AFAP1: variants seen among roughly 807,000 people sequenced by gnomAD.
AFAP1 encodes the protein actin filament associated protein 1, also known as actin filament-associated protein 1.
AFAP1 carries 75 observed loss-of-function variants against 93.9 expected under a neutral mutation model. The ratio of observed to expected loss-of-function variants is 0.80; its 90% CI spans 0.66 to 0.97. AFAP1 has a LOEUF of 0.97. Ranked by LOEUF, AFAP1 falls within the 50% of genes least tolerant of loss-of-function variation. The pLI, the probability that AFAP1 is intolerant of heterozygous loss-of-function variation, is 0.00. For missense variants in AFAP1, 1,201 were observed against 1,050.8 expected (o/e 1.14, Z -1.98); for synonymous variants, 517 against 430.7 (o/e 1.20, Z -2.48).
Position 7,939,169 on chromosome 4 carries a change from C to G in AFAP1, c.-3+487G>C, listed in dbSNP as rs867296442. On this transcript the variant is annotated intron_variant, in intron 1 of 17. Coordinates refer to ENST00000420658, the MANE Select transcript of AFAP1 (RefSeq NM_001134647.2). The surrounding 1 kb of genome is among the most constrained non-coding windows in gnomAD (Gnocchi z 5.6). Reference sequence around the variant, plus strand: ...ACAAAACACTCAGGAAGCCGTCATGCGGGGCCAAGAAAGAGCCCCCATCCA... The same window carrying G: ...ACAAAACACTCAGGAAGCCGTCATGGGGGGCCAAGAAAGAGCCCCCATCCA... 1.0e-5 allele frequency: 2 copies of G among 199,008 alleles called. No homozygotes were observed. The highest frequency in any genetic ancestry group is 2.1e-5 in the Non-Finnish European group (2 of 94,040). 12.3% of individuals were successfully genotyped at this position (199,008 alleles called of 1,614,324 possible).
At chr4:7,830,215 G>T (rs745566765) in intron 6 of AFAP1, among the ~76,000 whole-genome samples, 11 of 152,270 alleles carry the variant, frequency 7.2e-5, no homozygotes, top group Admixed American at 1.3e-4. Context: ...AGGAAACTCT[G>T]AAAGAATACA....
chr4:7,809,452 T>A, intron 9 of AFAP1, 162 bp downstream of exon 9: 1 of 806,314 alleles, frequency 1.2e-6, no homozygotes, highest in Non-Finnish European at 1.8e-6. Context: ...GAGGCAAAAA[T>A]GTAAACATTT....
chr4:7,891,070 C>T (rs1192046021), intron 1 of AFAP1, among the ~76,000 whole-genome samples: 1 of 150,466 alleles, frequency 6.6e-6, no homozygotes, highest in Admixed American at 6.6e-5. Context: ...TCTTTTTCAG[C>T]AAGAAAAATA....
At position 7,882,608 on chromosome 4, in the gene AFAP1, C is replaced by T. The variant is rs540914926; in HGVS notation, c.-2-10528G>A. On this transcript the variant is annotated intron_variant, in intron 1 of 17. Transcript: ENST00000420658. ...GGGTGCGGTGGCTCACACCTGTCAT[C>T]TCAGCACTTTGGAAGGCCGAGGCAG... 2.0e-3 allele frequency among the ~76,000 whole-genome samples: 298 copies of T among 152,310 alleles called. 2 individuals carry two copies. Among genetic ancestry groups the T allele is most frequent in the South Asian group, 0.011 (55 of 4,824 alleles).
chr4:7,822,586 C>CTT (rs5855982), intron 6 of AFAP1, among the ~76,000 whole-genome samples: 25,911 of 132,198 alleles, frequency 0.2, 2,995 homozygotes, highest in African/African-American at 0.25. Context: ...TTTCTTTTTT[C>CTT]TTTTTTTTTT....
intron 1 of AFAP1, among the ~76,000 whole-genome samples, chr4:7,882,264 C>G (rs1273797148): frequency 6.6e-6 from 1 of 151,966 alleles, no homozygotes; most frequent in Non-Finnish European, 1.5e-5. Context: ...CAGAATTACC[C>G]TCACAAAAAA....
intron 16 of AFAP1, among the ~76,000 whole-genome samples, chr4:7,772,030 C>T (rs1052350328): frequency 9.2e-5 from 14 of 152,220 alleles, no homozygotes; most frequent in African/African-American, 2.9e-4. Flanking sequence ...GGAAGAGCAG[C>T]GGTGGGTTCA....
At chr4:7,768,760 G>A (rs1162135813) in intron 17 of AFAP1, 84 bp downstream of exon 17, 1 of 1,413,550 alleles carries the variant, frequency 7.1e-7, no homozygotes, top group Non-Finnish European at 9.3e-7. Context: ...GAAGAAGAAT[G>A]GGCTCCCTAC....
intron 13 of AFAP1, 62 bp downstream of exon 13, chr4:7,781,314 A>T (rs1577198714): frequency 2.0e-6 from 3 of 1,524,446 alleles, no homozygotes; most frequent in East Asian, 4.9e-5. Context: ...AAGTTGCAAA[A>T]CTCTGTTGGA....
intron 1 of AFAP1, among the ~76,000 whole-genome samples, chr4:7,912,215 G>A (rs1207305300): frequency 6.6e-6 from 1 of 152,212 alleles, no homozygotes; most frequent in African/African-American, 2.4e-5. Context: ...GTGGTGTCCG[G>A]GCTGTTTCCA....
intron 6 of AFAP1, among the ~76,000 whole-genome samples, chr4:7,827,346 C>T (rs1014917909): frequency 9.9e-5 from 15 of 151,598 alleles, no homozygotes; most frequent in Non-Finnish European, 1.3e-4. Flanking sequence ...CTGAGGCAGG[C>T]GGATCACCTG....
chr4:7,909,844 G>GC (rs1225788073), intron 1 of AFAP1, among the ~76,000 whole-genome samples: 2 of 152,002 alleles, frequency 1.3e-5, no homozygotes, highest in African/African-American at 2.4e-5. Flanking sequence ...TTTTTTCACA[G>GC]CCCCCCAGAT....
Position 7,781,398 on chromosome 4 carries a change from G to A in AFAP1, c.1760C>T (p.Ala587Val), listed in dbSNP as rs1412690875. ...SVTNTSSVGR[A>V]SLGLNSQLKG... The stretch of plus-strand genomic sequence containing the variant: ...TACCTGCGAGTTGAGCCCGAGAGAC[G>A]CCCTCCCCACAGAAGAGGTATTAGT... Residue 587 changes from alanine to valine, a missense_variant, in exon 13 of 18, where the codon GCG (alanine) becomes GTG (valine). By Grantham distance (64) the Ala-to-Val change is moderately conservative (BLOSUM62 0). Transcript: ENST00000420658. 29 of 1,551,640 alleles carry A rather than the reference G, an allele frequency of 1.9e-5. No homozygotes were observed. The highest frequency in any genetic ancestry group is 8.2e-5 in the African/African-American group (6 of 73,034).
intron 11 of AFAP1, 33 bp from the exon 12 acceptor site, chr4:7,786,344 C>T: frequency 6.4e-7 from 1 of 1,556,016 alleles, no homozygotes; most frequent in Non-Finnish European, 8.9e-7. Context: ...AAATCCATAA[C>T]CTGACCACCT....
At chr4:7,893,682 T>C (rs1577340395) in intron 1 of AFAP1, among the ~76,000 whole-genome samples, 1 of 151,918 alleles carries the variant, frequency 6.6e-6, no homozygotes, top group South Asian at 2.1e-4. Flanking sequence ...CAACCTTTCC[T>C]GGGGACACAA....
intron 1 of AFAP1, among the ~76,000 whole-genome samples, chr4:7,925,312 A>C (rs1720665947): frequency 6.6e-6 from 1 of 152,184 alleles, no homozygotes; most frequent in South Asian, 2.1e-4. Context: ...TGAGTTCTTC[A>C]GTCACTCCCC....
In AFAP1 at chr4:7,912,668, C is replaced by T. The variant is rs554559000; in HGVS notation, c.-3+26988G>A. 2.0e-5 allele frequency among the ~76,000 whole-genome samples: 3 copies of T among 152,296 alleles called. No individual in the cohort carries two copies. In the East Asian group the frequency reaches 5.8e-4, roughly 29 times the overall value. ...AATTTTGATAGTTCTTTATGTATTA[C>T]AGATGTAAGTCCTTTATCAGACATG... On this transcript the variant is annotated intron_variant, in intron 1 of 17. Transcript: ENST00000420658.
intron 1 of AFAP1, among the ~76,000 whole-genome samples, chr4:7,906,870 C>T (rs1483568831): frequency 2.0e-5 from 3 of 152,062 alleles, no homozygotes; most frequent in African/African-American, 4.8e-5. Context: ...AGAATGCTGG[C>T]GGGCGCCTGT....
chr4:7,806,220 T>C (rs1719498719), intron 9 of AFAP1, among the ~76,000 whole-genome samples: 1 of 152,224 alleles, frequency 6.6e-6, no homozygotes, highest in Non-Finnish European at 1.5e-5. Context: ...TCAATAGGCG[T>C]TGCAGGGTTA....
Sources: gnomAD v4.1 joint callset for allele counts (sites outside exome capture counted in the v4.1 genomes callset) on GRCh38, gnomAD v4.1.1 for gene constraint, Gnocchi (gnomAD v3.1) non-coding constraint, MANE v1.5 for transcripts, NCBI Gene and HGNC (gene_info 2026-07-23, HGNC 2026-07-21) for gene names.